The following USP50 variants were observed in gnomAD, a reference collection of about 807,000 sequenced individuals.
USP50 encodes the protein ubiquitin carboxyl-terminal hydrolase 50.
Under a neutral mutation model 39.2 loss-of-function variants are expected in USP50, and 37 were observed. That is an observed-to-expected ratio of 0.94 (90% CI 0.73 to 1.24). The LOEUF is 1.24. USP50 is among the 50% of genes most tolerant of loss of function. The pLI, the probability that USP50 is intolerant of heterozygous loss-of-function variation, is 0.00. For missense variants in USP50, 374 were observed against 398.2 expected (o/e 0.94, Z 0.52); for synonymous variants, 139 against 144.5 (o/e 0.96, Z 0.27).
intron 5 of USP50, among the ~76,000 whole-genome samples, chr15:50,533,403 C>T (rs974520466): frequency 6.6e-6 from 1 of 151,430 alleles, no homozygotes; most frequent in African/African-American, 2.4e-5. Context: ...AAAATGACAC[C>T]TAAGCATTTC....
downstream of USP50, chr15:50,495,809 T>G: frequency 4.1e-6 from 6 of 1,473,446 alleles, no homozygotes; most frequent in Non-Finnish European, 5.6e-6. Context: ...ATGTTTTCTT[T>G]GAGATATTAA....
Position 50,535,103 on chromosome 15 carries a change from C to A in USP50, c.803+3606G>T, listed in dbSNP as rs150616681. Among the ~76,000 whole-genome samples, 527 of 152,166 alleles carry A rather than the reference C, an allele frequency of 3.5e-3. 1 individual carries two copies. The highest frequency in any genetic ancestry group is 5.8e-3 in the South Asian group (28 of 4,822). ...GCAGTGAGCCAAGACGGCACCACTGCACTCCAGCCTGGGCAACAGAGTGAA... is the reference window on the plus strand; with the variant it reads ...GCAGTGAGCCAAGACGGCACCACTGAACTCCAGCCTGGGCAACAGAGTGAA... On this transcript the variant is annotated intron_variant, in intron 5 of 6. Transcript: ENST00000532404.
chr15:50,525,658 A>ATATATG lies in USP50; in HGVS notation c.936+4133_936+4138dup, dbSNP rs200132319. 1.0e-4 allele frequency among the ~76,000 whole-genome samples: 11 copies of ATATATG among 108,788 alleles called. 1 individual carries two copies. The South Asian group carries it at 3.1e-3, about 31-fold the overall frequency. The allele number at this position is 108,788 out of a possible 152,430, so 71.4% of individuals were successfully genotyped here. A position where few individuals can be genotyped will look rare whatever the true frequency, so the allele number is the denominator to read the frequency against. The stretch of plus-strand genomic sequence containing the variant: ...TATGTATATGTGTATATGTATATGT[A>ATATATG]TATATGTATATGTATATATGTATAT... On this transcript the variant is annotated intron_variant, in intron 6 of 6. Transcript: ENST00000532404.
rs1461730237 is a variant in USP50, at chr15:50,500,786, A to G, written c.988T>C (p.Ser330Pro). ...GGHYTAFCKN[S>P]VTQA ...AAGCTATATCAGGCCTGGGTGACTG[A>G]ATTCTTGCAGAAAGCAGTGTAGTGG... is the stretch of plus-strand genomic sequence containing the variant. Residue 330 changes from serine to proline, a missense_variant, in exon 7 of 7, where the codon TCA (serine) becomes CCA (proline). Physicochemically the swap from Ser to Pro is moderately conservative, Grantham distance 74. Transcript: ENST00000532404. 3 of 1,590,366 alleles carry G rather than the reference A, an allele frequency of 1.9e-6. No homozygotes were observed. The highest frequency in any genetic ancestry group is 1.8e-5 in the Admixed American group (1 of 56,156).
downstream of USP50, chr15:50,498,893 T>C (rs1422182672): frequency 6.3e-7 from 1 of 1,581,168 alleles, no homozygotes; most frequent in Non-Finnish European, 8.6e-7. Flanking sequence ...TTCTATCTTG[T>C]TTGGCACAGA....
intron 6 of USP50, chr15:50,505,255 A>G (rs2052643108): frequency 6.6e-6 from 1 of 152,198 alleles, no homozygotes; most frequent in African/African-American, 2.4e-5. Flanking sequence ...AGAACAACAG[A>G]GACAAAGAGA....
intron 6 of USP50, among the ~76,000 whole-genome samples, chr15:50,519,896 T>C (rs762322212): frequency 2.6e-5 from 4 of 151,990 alleles, no homozygotes; most frequent in Non-Finnish European, 4.4e-5. Flanking sequence ...GAACTAAAAA[T>C]AGAACTATTA....
chr15:50,493,888 T>C (rs767880325), downstream of USP50: 2 of 793,364 alleles, frequency 2.5e-6, no homozygotes, highest in Non-Finnish European at 4.4e-6. Context: ...AGAAGGAAGC[T>C]GAAGGGATGT....
downstream of USP50, chr15:50,498,844 C>G: frequency 6.5e-7 from 1 of 1,550,078 alleles, no homozygotes. Flanking sequence ...AAACTATTGG[C>G]GTATTTTAAA....
intron 5 of USP50, among the ~76,000 whole-genome samples, chr15:50,534,478 G>A (rs867208883): frequency 6.6e-6 from 1 of 152,216 alleles, no homozygotes. Flanking sequence ...ACAAATAGCA[G>A]TAACAAATAC....
intron 5 of USP50, among the ~76,000 whole-genome samples, chr15:50,530,433 A>C (rs1013893916): frequency 1.3e-5 from 2 of 151,660 alleles, no homozygotes; most frequent in African/African-American, 2.4e-5. Flanking sequence ...AATGCAAAAA[A>C]ATTAGCCGGG....
chr15:50,529,968 T>G, intron 5 of USP50, 39 bp from the exon 6 acceptor site: 1 of 1,609,740 alleles, frequency 6.2e-7, no homozygotes, highest in Non-Finnish European at 8.5e-7. Flanking sequence ...AAAGTAAGCT[T>G]GTGAACCACT....
chr15:50,517,774 A>G (rs1340806671), intron 6 of USP50, among the ~76,000 whole-genome samples: 1 of 152,212 alleles, frequency 6.6e-6, no homozygotes, highest in Non-Finnish European at 1.5e-5. Context: ...GCTGGAGTAC[A>G]GTAGCATGAT....
chr15:50,499,008 G>A (rs61761607), downstream of USP50: 66 of 1,613,714 alleles, frequency 4.1e-5, no homozygotes, highest in East Asian at 5.8e-4. Flanking sequence ...TGATATCTCC[G>A]TTTCTTCTGT....
chr15:50,510,952 G>A (rs2052730219), intron 6 of USP50: 1 of 151,950 alleles, frequency 6.6e-6, no homozygotes, highest in Admixed American at 6.6e-5. Flanking sequence ...AATTTTTTTT[G>A]TATTTTTAGT....
At chr15:50,511,427 T>C (rs1333867494) in intron 6 of USP50, 1 of 152,142 alleles carries the variant, frequency 6.6e-6, no homozygotes, top group Non-Finnish European at 1.5e-5. Context: ...CTTAGGTATA[T>C]ACCCAACAGA....
chr15:50,542,768 C>T (rs1038719197), intron 3 of USP50, among the ~76,000 whole-genome samples: 1 of 152,058 alleles, frequency 6.6e-6, no homozygotes, highest in Non-Finnish European at 1.5e-5. Flanking sequence ...GGATTACAGA[C>T]GCGAACCACA....
At position 50,538,851 on chromosome 15, in the gene USP50, C is replaced by A; in HGVS notation, c.661G>T (p.Asp221Tyr). The A allele has an allele frequency of 2.5e-6, 4 of 1,594,290 alleles. No individual in the cohort carries two copies. Among genetic ancestry groups the A allele is most frequent in the Non-Finnish European group, 2.6e-6 (3 of 1,172,256 alleles). The change falls in exon 5 of 7, where the codon GAC becomes TAC. Residue 221 changes from aspartate (D) to tyrosine (Y), a missense_variant and splice_region_variant. Asp to Tyr is a radical substitution (Grantham distance 160, BLOSUM62 -3). Transcript: ENST00000532404. ...IPSKYECSLR[D>Y]CLQCFFQQDA... is the part of the protein sequence containing the mutation. ...TGTTGAAAAAAACATTGGAGACAGT[C>A]CTGTTAAGGAAAAAAAGGATTTGGT... is the stretch of plus-strand genomic sequence containing the variant.
intron 6 of USP50, chr15:50,512,358 G>C (rs1194066478): frequency 6.6e-6 from 1 of 151,786 alleles, no homozygotes; most frequent in Non-Finnish European, 1.5e-5. Flanking sequence ...GATCGAGAGA[G>C]AGTGCACGTG....
Sources: gnomAD v4.1 joint callset for allele counts (sites outside exome capture counted in the v4.1 genomes callset) on GRCh38, gnomAD v4.1.1 for gene constraint, MANE v1.5 for transcripts, NCBI Gene and HGNC (gene_info 2026-07-23, HGNC 2026-07-21) for gene names.